The following KCNK15 variants were observed in gnomAD, a reference collection of about 807,000 sequenced individuals.
The protein encoded by KCNK15 is potassium channel subfamily K member 15.
KCNK15 carries 9 observed loss-of-function variants against 8.5 expected under a neutral mutation model. That is an observed-to-expected ratio of 1.06 (90% CI 0.64 to 1.85). The LOEUF is 1.85. Among genes scored for constraint, KCNK15 ranks in the 40% most tolerant of loss-of-function variants. The pLI, the probability that KCNK15 is intolerant of heterozygous loss-of-function variation, is 0.00. For synonymous variants in KCNK15, 224 were observed against 232.7 expected, an observed-to-expected ratio of 0.96 and a Z score of 0.34; for missense variants, 467 against 476.8, an observed-to-expected ratio of 0.98 and a Z score of 0.19.
chr20:44,749,210 G>C (rs1476483590), intron 1 of KCNK15, among the ~76,000 whole-genome samples: 1 of 152,110 alleles, frequency 6.6e-6, no homozygotes, highest in Non-Finnish European at 1.5e-5. Flanking sequence ...ATTCTTCTTG[G>C]CCTCCTGACT....
rs1471098242 is a variant in KCNK15, at chr20:44,750,914, T to C, written c.*76T>C. On this transcript the variant is annotated 3_prime_UTR_variant, in exon 2 of 2. Transcript: ENST00000372861. ...GCTATCAGGGCACCCTCCCCAGGGA[T>C]TGGAAACGGATGACGGGCCTCTAGG... 2.6e-5 allele frequency: 27 copies of C among 1,057,836 alleles called. No homozygotes were observed. Among genetic ancestry groups the C allele is most frequent in the African/African-American group, 2.0e-4 (12 of 59,016 alleles). The allele number at this position is 1,057,836 out of a possible 1,614,324, so 65.5% of individuals were successfully genotyped here. A position where few individuals can be genotyped will look rare whatever the true frequency, so the allele number is the denominator to read the frequency against.
intron 1 of KCNK15, among the ~76,000 whole-genome samples, chr20:44,749,302 C>T (rs1414782190): frequency 6.6e-6 from 1 of 152,158 alleles, no homozygotes; most frequent in African/African-American, 2.4e-5. Flanking sequence ...ATGAGATACC[C>T]ATTCATTCCC....
In KCNK15 at chr20:44,749,503, G is replaced by A. The variant is rs76175241; in HGVS notation, c.284-626G>A. Among the ~76,000 whole-genome samples the A allele has an allele frequency of 7.2e-3, 1,093 of 152,278 alleles. 9 individuals carry two copies. Among genetic ancestry groups the A allele is most frequent in the Non-Finnish European group, 0.011 (767 of 68,032 alleles). On this transcript the variant is annotated intron_variant, in intron 1 of 1. Coordinates refer to ENST00000372861, the MANE Select transcript of KCNK15 (RefSeq NM_022358.4). Reference sequence around the variant, plus strand: ...GCATGTGGAGAGGACATGCTGACTGGGGAAGCAGCTCGGGGTGTAGCTGGA... The same window carrying A: ...GCATGTGGAGAGGACATGCTGACTGAGGAAGCAGCTCGGGGTGTAGCTGGA...
intron 1 of KCNK15, among the ~76,000 whole-genome samples, chr20:44,747,790 A>G (rs2145434885): frequency 6.6e-6 from 1 of 152,312 alleles, no homozygotes; most frequent in Non-Finnish European, 1.5e-5. Flanking sequence ...TGGATGGGAG[A>G]GAGGCACTGA....
Position 44,745,901 on chromosome 20 carries a change from C to T in KCNK15, c.-10C>T. 5 of 1,297,522 alleles carry T rather than the reference C, an allele frequency of 3.9e-6. No individual in the cohort carries two copies. Among genetic ancestry groups the T allele is most frequent in the Non-Finnish European group, 4.9e-6 (5 of 1,020,674 alleles). 80.4% of individuals were successfully genotyped at this position (1,297,522 alleles called of 1,614,324 possible). A position where few individuals can be genotyped will look rare whatever the true frequency, so the allele number is the denominator to read the frequency against. On this transcript the variant is annotated 5_prime_UTR_variant, in exon 1 of 2. Coordinates refer to ENST00000372861, the MANE Select transcript of KCNK15 (RefSeq NM_022358.4). ...GTTGGGACCGCGGCGGGTACCGGGG[C>T]CGGGGCGCCATGCGGAGGCCGAGCG...
At chr20:44,748,575 T>A (rs914475638) in intron 1 of KCNK15, among the ~76,000 whole-genome samples, 4 of 152,234 alleles carry the variant, frequency 2.6e-5, no homozygotes, top group African/African-American at 9.6e-5. Flanking sequence ...AGTTGCCAGT[T>A]TCTTGTGTGT....
chr20:44,749,047 C>T (rs1040785582), intron 1 of KCNK15, among the ~76,000 whole-genome samples: 5 of 152,170 alleles, frequency 3.3e-5, no homozygotes, highest in Non-Finnish European at 5.9e-5. Flanking sequence ...TTCGCTATGA[C>T]CGACAATGCT....
rs116893615 is a variant in KCNK15, at chr20:44,748,170, C to T, written c.284-1959C>T. On this transcript the variant is annotated intron_variant, in intron 1 of 1. Transcript: ENST00000372861. ...CCAAACAGCTGGAAGCCTTTTATTCCTAAAGAGACTCTTCTGTTTCTCACC... is the reference window on the plus strand; with the variant it reads ...CCAAACAGCTGGAAGCCTTTTATTCTTAAAGAGACTCTTCTGTTTCTCACC... 2.8e-3 allele frequency among the ~76,000 whole-genome samples: 420 copies of T among 152,226 alleles called. 3 individuals carry two copies. Among genetic ancestry groups the T allele is most frequent in the Middle Eastern group, 0.014 (4 of 294 alleles).
At chr20:44,747,042 C>T (rs1320987207) in intron 1 of KCNK15, 1 of 152,274 alleles carries the variant, frequency 6.6e-6, no homozygotes, top group Non-Finnish European at 1.5e-5. Flanking sequence ...GCCAGCCACT[C>T]CCCAGGCTCC....
chr20:44,748,002 T>C (rs1474521633), intron 1 of KCNK15, among the ~76,000 whole-genome samples: 1 of 152,228 alleles, frequency 6.6e-6, no homozygotes, highest in African/African-American at 2.4e-5. Context: ...TTCTTATCTA[T>C]AAAATGGGAA....
At chr20:44,748,603 C>A (rs538064362) in intron 1 of KCNK15, among the ~76,000 whole-genome samples, 1 of 152,306 alleles carries the variant, frequency 6.6e-6, no homozygotes, top group Non-Finnish European at 1.5e-5. Context: ...GATATATTCT[C>A]TGCCTATATA....
At position 44,750,721 on chromosome 20, in the gene KCNK15, C is replaced by A. The variant is rs1178579125; in HGVS notation, c.876C>A (p.His292Gln). ...TGGGCTCCGCCTCTGTCTTCTGCCA[C>A]GTGCACAAGCTGGAGAGGTGCGCCC... ...RSVGSASVFCHVHKLERCARD... is the reference protein window; with the variant it reads ...RSVGSASVFCQVHKLERCARD... Residue 292 changes from histidine to glutamine, a missense_variant, in exon 2 of 2, where the codon CAC becomes CAA. Coordinates refer to ENST00000372861, the MANE Select transcript of KCNK15 (RefSeq NM_022358.4). The A allele has an allele frequency of 8.1e-6, 12 of 1,485,712 alleles. No homozygotes were observed. Among genetic ancestry groups the A allele is most frequent in the Non-Finnish European group, 1.1e-5 (12 of 1,111,732 alleles). 92.0% of individuals were successfully genotyped at this position (1,485,712 alleles called of 1,614,324 possible). A position where few individuals can be genotyped will look rare whatever the true frequency, so the allele number is the denominator to read the frequency against.
chr20:44,746,072 C>A lies in KCNK15; in HGVS notation c.162C>A (p.Phe54Leu). ...GCGCTCTCCGGAGGAAGTTCGGCTT[C>A]TCGGCCGAGGACTACCGCGAGCTGG... ...KRGALRRKFG[F>L]SAEDYRELER... Residue 54 changes from phenylalanine (F) to leucine (L), a missense_variant, in exon 1 of 2, where the codon TTC (phenylalanine) becomes TTA (leucine). This residue lies in a region of KCNK15 where 455 missense variants were observed against 441.2 expected (regional missense o/e 1.03). Coordinates refer to ENST00000372861, the MANE Select transcript of KCNK15 (RefSeq NM_022358.4). 6.4e-7 allele frequency: 1 copy of A among 1,553,616 alleles called. No individual in the cohort carries two copies. The highest frequency in any genetic ancestry group is 8.7e-7 in the Non-Finnish European group (1 of 1,149,024).
Position 44,750,605 on chromosome 20 carries a change from C to T in KCNK15, c.760C>T (p.Pro254Ser), listed in dbSNP as rs369120126. Residue 254 changes from proline to serine, a missense_variant, in exon 2 of 2, where the codon CCC becomes TCC. Coordinates refer to ENST00000372861, the MANE Select transcript of KCNK15 (RefSeq NM_022358.4). ...CTTCCTCGTTGCCAGCGCCGACTGG[C>T]CCGAGCGCGCTGCCCGCACCCCCAG... ...LRFLVASADW[P>S]ERAARTPSPR... is the part of the protein sequence containing the mutation. 1.0e-5 allele frequency: 16 copies of T among 1,603,354 alleles called. No individual in the cohort carries two copies. The highest frequency in any genetic ancestry group is 3.3e-5 in the South Asian group (3 of 91,016).
Position 44,750,431 on chromosome 20 carries a change from AC to A in KCNK15, c.589del (p.Leu197SerfsTer168). The A allele has an allele frequency of 1.2e-6, 2 of 1,613,716 alleles. No homozygotes were observed. The highest frequency in any genetic ancestry group is 1.6e-4 in the Middle Eastern group (1 of 6,062). Reference protein sequence around the residue: ...FFHAYYYCFITLTTIGFGDFV... With the variant: ...FFHAYYYCFIXLTTIGFGDFV... Reference sequence around the variant, plus strand: ...CCACGCCTACTACTACTGCTTCATCACCCTCACCACCATCGGCTTCGGCGAC... The same window carrying A: ...CCACGCCTACTACTACTGCTTCATCACCTCACCACCATCGGCTTCGGCGAC... On this transcript the variant is annotated frameshift_variant, in exon 2 of 2. Transcript: ENST00000372861. LOFTEE classifies it low-confidence loss of function (END_TRUNC).
chr20:44,748,987 A>T (rs75966628), intron 1 of KCNK15, among the ~76,000 whole-genome samples: 4,519 of 152,260 alleles, frequency 0.03, 215 homozygotes, highest in African/African-American at 0.1. Flanking sequence ...ATGGCACTAT[A>T]ATTTATTTAA....
At chr20:44,746,285 G>C in intron 1 of KCNK15, 92 bp downstream of exon 1, 1 of 1,194,958 alleles carries the variant, frequency 8.4e-7, no homozygotes, top group Non-Finnish European at 1.1e-6. Context: ...CCCCCGCCCA[G>C]CTGAGCTACT....
At position 44,750,435 on chromosome 20, in the gene KCNK15, T is replaced by A; in HGVS notation, c.590T>A (p.Leu197His). 1 of 1,614,000 alleles carries A rather than the reference T, an allele frequency of 6.2e-7. No homozygotes were observed. The highest frequency in any genetic ancestry group is 1.3e-5 in the African/African-American group (1 of 75,028). ...FHAYYYCFITLTTIGFGDFVA... is the reference protein window; with the variant it reads ...FHAYYYCFITHTTIGFGDFVA... ...GCCTACTACTACTGCTTCATCACCCTCACCACCATCGGCTTCGGCGACTTC... is the reference window on the plus strand; with the variant it reads ...GCCTACTACTACTGCTTCATCACCCACACCACCATCGGCTTCGGCGACTTC... Residue 197 changes from leucine to histidine, a missense_variant, in exon 2 of 2, where the codon CTC (leucine) becomes CAC (histidine). Coordinates refer to ENST00000372861, the MANE Select transcript of KCNK15 (RefSeq NM_022358.4).
rs970735520 is a variant in KCNK15, at chr20:44,745,993, C to G, written c.83C>G (p.Ala28Gly). ...CTGGTGGGCGCTGCTGTCTTCGACG[C>G]GCTCGAGTCCGAGGCGGAAAGCGGC... ...YLLVGAAVFDALESEAESGRQ... is the reference protein window; with the variant it reads ...YLLVGAAVFDGLESEAESGRQ... The change falls in exon 1 of 2, where the codon GCG becomes GGG. Residue 28 changes from alanine (A) to glycine (G), a missense_variant. By Grantham distance (60) the Ala-to-Gly change is moderately conservative. Coordinates refer to ENST00000372861, the MANE Select transcript of KCNK15 (RefSeq NM_022358.4). 18 of 1,521,696 alleles carry G rather than the reference C, an allele frequency of 1.2e-5. No homozygotes were observed. Among genetic ancestry groups the G allele is most frequent in the African/African-American group, 2.9e-5 (2 of 69,696 alleles). The allele number at this position is 1,521,696 out of a possible 1,614,324, so 94.3% of individuals were successfully genotyped here.
Sources: gnomAD v4.1 joint callset for allele counts (sites outside exome capture counted in the v4.1 genomes callset) on GRCh38, gnomAD v4.1.1 for gene constraint, gnomAD v4.1.1 regional missense constraint, MANE v1.5 for transcripts, NCBI Gene and HGNC (gene_info 2026-07-23, HGNC 2026-07-21) for gene names.